POTEM: variants seen among roughly 807,000 people sequenced by gnomAD.
POTEM encodes putative POTE ankyrin domain family member M.
For synonymous variants in POTEM, 8 were observed against 113.2 expected (o/e 0.07, Z 5.90); for missense variants, 24 against 343.0 (o/e 0.07, Z 7.35).
intron 7 of POTEM, among the ~76,000 whole-genome samples, chr14:18,986,172 A>G (rs112049057): frequency 0.17 from 20,302 of 119,762 alleles, 2 homozygotes; most frequent in Non-Finnish European, 0.27. Context: ...ACACCCTAAC[A>G]TGATGAAGAA....
At chr14:18,992,923 G>A (rs1166560391) in intron 9 of POTEM, among the ~76,000 whole-genome samples, 1 of 64,856 alleles carries the variant, frequency 1.5e-5, no homozygotes, top group Non-Finnish European at 3.1e-5. Flanking sequence ...TAGAGATAGA[G>A]TCTTGCTCTG....
chr14:18,969,527 G>T (rs1446369236), intron 1 of POTEM, among the ~76,000 whole-genome samples: 4 of 59,322 alleles, frequency 6.7e-5, no homozygotes, highest in Non-Finnish European at 1.2e-4. Flanking sequence ...GATTACAGGC[G>T]CCTGCCACCA....
intron 7 of POTEM, among the ~76,000 whole-genome samples, chr14:18,986,797 GT>G (rs1313163681): frequency 8.0e-5 from 12 of 150,654 alleles, no homozygotes; most frequent in Non-Finnish European, 1.5e-4. Flanking sequence ...AGTGAGGAAG[GT>G]TTTGCAACAC....
At chr14:18,982,544 C>CTA (rs1891109964) in intron 6 of POTEM, among the ~76,000 whole-genome samples, 1 of 141,302 alleles carries the variant, frequency 7.1e-6, no homozygotes, top group Non-Finnish European at 1.6e-5. Flanking sequence ...AGTCTGTAGC[C>CTA]TATAGTTTGC....
chr14:18,987,238 GC>G (rs1891205149), intron 8 of POTEM, 25 bp downstream of exon 8: 1 of 104,008 alleles, frequency 9.6e-6, no homozygotes, highest in Admixed American at 1.6e-4. Context: ...TCAAATGTTT[GC>G]GTTGAATTAG....
At chr14:18,980,252 G>GAA (rs1891048537) in intron 6 of POTEM, 108 bp downstream of exon 6, 1 of 585,086 alleles carries the variant, frequency 1.7e-6, no homozygotes, top group African/African-American at 2.2e-5. Flanking sequence ...GGAAAGGTGG[G>GAA]GATGGTTTCA....
chr14:18,983,276 A>G (rs1423062492), intron 6 of POTEM, among the ~76,000 whole-genome samples: 1 of 126,596 alleles, frequency 7.9e-6, no homozygotes, highest in Admixed American at 7.4e-5. Context: ...CCATGACCGA[A>G]AGTCAGCATC....
intron 7 of POTEM, among the ~76,000 whole-genome samples, chr14:18,986,247 T>C (rs1891180237): frequency 7.2e-6 from 1 of 139,748 alleles, no homozygotes; most frequent in Non-Finnish European, 1.5e-5. Context: ...ACACTGATGG[T>C]CCCTGAGCTG....
At chr14:18,985,917 AAAAAAAAAAAAAT>A (rs1891171790) in intron 7 of POTEM, among the ~76,000 whole-genome samples, 1 of 129,970 alleles carries the variant, frequency 7.7e-6, no homozygotes, top group East Asian at 2.0e-4. Context: ...AAAAAAAAAA[AAAAAAAAAAAAAT>A]ATTTTAATAG....
intron 7 of POTEM, among the ~76,000 whole-genome samples, chr14:18,985,903 CAAAAAAAAA>C (rs1162516671): frequency 2.8e-4 from 19 of 68,932 alleles, no homozygotes; most frequent in Middle Eastern, 0.013. Flanking sequence ...GACTCTGTGT[CAAAAAAAAA>C]AAAAAAAAAA....
chr14:18,999,279 G>A lies in POTEM; in HGVS notation c.*614G>A. 8.3e-6 allele frequency among the ~76,000 whole-genome samples: 1 copy of A among 120,764 alleles called. No individual in the cohort carries two copies. The highest frequency in any genetic ancestry group is 9.0e-5 in the Admixed American group (1 of 11,068). 79.2% of individuals were successfully genotyped at this position (120,764 alleles called of 152,430 possible). ...CCCAGCCATGTACGTGGCCATCCAA[G>A]CCGTGCTGTCCTTGTACACCTCTGG... On this transcript the variant is annotated 3_prime_UTR_variant, in exon 11 of 11. Transcript: ENST00000547889.
intron 1 of POTEM, among the ~76,000 whole-genome samples, chr14:18,969,352 C>CGT (rs1376285473): frequency 2.2e-5 from 2 of 91,354 alleles, no homozygotes; most frequent in South Asian, 3.5e-4. Flanking sequence ...CATATATATA[C>CGT]ATGTGTATAT....
At chr14:18,969,360 T>TAG (rs1890854475) in intron 1 of POTEM, among the ~76,000 whole-genome samples, 1 of 89,258 alleles carries the variant, frequency 1.1e-5, no homozygotes, top group Admixed American at 1.6e-4. Flanking sequence ...TACATGTGTA[T>TAG]ATATATATAT....
At chr14:18,969,342 C>CAT (rs1890850899) in intron 1 of POTEM, among the ~76,000 whole-genome samples, 10 of 89,510 alleles carry the variant, frequency 1.1e-4, no homozygotes, top group Admixed American at 3.0e-4. Flanking sequence ...TACGTATATA[C>CAT]ATATATATAC....
At chr14:18,991,107 C>T (rs1456602111) in intron 9 of POTEM, among the ~76,000 whole-genome samples, 1 of 127,572 alleles carries the variant, frequency 7.8e-6, no homozygotes. Context: ...TGGTCTCAAA[C>T]TCCTGATGTC....
chr14:18,986,074 T>C (rs1891175704), intron 7 of POTEM, among the ~76,000 whole-genome samples: 1 of 131,196 alleles, frequency 7.6e-6, no homozygotes, highest in Non-Finnish European at 1.6e-5. Context: ...AATATTCTTA[T>C]CTGCCTTCTT....
At chr14:18,985,840 G>A (rs1233020804) in intron 7 of POTEM, among the ~76,000 whole-genome samples, 2 of 143,650 alleles carry the variant, frequency 1.4e-5, no homozygotes, top group East Asian at 3.9e-4. Flanking sequence ...GGGGGGTGGA[G>A]CTTGCAGTGA....
At chr14:18,982,249 A>AC (rs1891101327) in intron 6 of POTEM, among the ~76,000 whole-genome samples, 1 of 151,302 alleles carries the variant, frequency 6.6e-6, no homozygotes, top group South Asian at 2.1e-4. Flanking sequence ...TAGGGAGCCA[A>AC]CAATGTGTGC....
At chr14:18,986,856 ATTAAG>A (rs1172673437) in intron 7 of POTEM, among the ~76,000 whole-genome samples, 7 of 151,974 alleles carry the variant, frequency 4.6e-5, no homozygotes, top group African/African-American at 1.7e-4. Flanking sequence ...CACATAACAA[ATTAAG>A]TTTAGTCCGA....
Sources: allele counts gnomAD v4.1 joint callset (sites outside exome capture counted in the v4.1 genomes callset), GRCh38; gene constraint gnomAD v4.1.1; transcripts MANE v1.5; gene names NCBI Gene and HGNC (gene_info 2026-07-23, HGNC 2026-07-21).